Variants in PLCD3 observed in about 807,000 individuals in gnomAD.
PLCD3 encodes phospholipase C delta 3.
PLCD3 carries 62 observed loss-of-function variants against 82.8 expected under a neutral mutation model. The observed-to-expected ratio is 0.75, with a 90% CI of 0.61 to 0.93. PLCD3 has a LOEUF of 0.93. Ranked by LOEUF, PLCD3 falls within the 40% of genes least tolerant of loss-of-function variation. The pLI, the probability that PLCD3 is intolerant of heterozygous loss-of-function variation, is 0.00. For synonymous variants in PLCD3, 478 were observed against 471.8 expected, an observed-to-expected ratio of 1.01 and a Z score of -0.17; for missense variants, 1,023 against 1,103.4, an observed-to-expected ratio of 0.93 and a Z score of 1.03.
Position 45,118,990 on chromosome 17 carries a change from G to A in PLCD3, c.738C>T (p.Phe246=), listed in dbSNP as rs372183721. ...DRLEGAEIEE[F]LRRLLKRPEL... is the part of the protein sequence containing the mutation. ...CCGGCCGCTTCAGCAGCCGCCGCAG[G>A]AACTCCTCGATCTCAGCCCCCTCTA... The change falls in exon 5 of 15, where the codon TTC becomes TTT. Residue 246 remains phenylalanine, a synonymous_variant. Transcript: ENST00000619929. This position sits in a 1 kb window ranked among gnomAD's most constrained non-coding sequence, Gnocchi z 4.1. 35 of 1,612,524 alleles carry A rather than the reference G, an allele frequency of 2.2e-5. No individual in the cohort carries two copies. The highest frequency in any genetic ancestry group is 1.6e-4 in the Middle Eastern group (1 of 6,078).
chr17:45,121,642 TCCC>T (rs1285520575), intron 1 of PLCD3, among the ~76,000 whole-genome samples: 1 of 152,192 alleles, frequency 6.6e-6, no homozygotes, highest in African/African-American at 2.4e-5. Flanking sequence ...GCCTCTGCAG[TCCC>T]TCAGTGTGGA....
intron 1 of PLCD3, among the ~76,000 whole-genome samples, chr17:45,124,983 G>A (rs1288870947): frequency 6.6e-6 from 1 of 152,218 alleles, no homozygotes. Flanking sequence ...TTGAGGTCAG[G>A]AGTTCAAGAC....
intron 1 of PLCD3, among the ~76,000 whole-genome samples, chr17:45,123,581 G>A (rs991498006): frequency 3.3e-5 from 5 of 152,186 alleles, no homozygotes; most frequent in Non-Finnish European, 2.9e-5. Flanking sequence ...AGGCCTCGCA[G>A]GTCAGGGTTT....
intron 11 of PLCD3, 35 bp downstream of exon 11, chr17:45,114,215 C>A: frequency 6.8e-7 from 1 of 1,480,374 alleles, no homozygotes; most frequent in Non-Finnish European, 9.1e-7. Context: ...CACTGTGGCA[C>A]CCCGCCTGCT....
At chr17:45,114,166 G>A (rs2054270495) in intron 11 of PLCD3, 84 bp downstream of exon 11, 1 of 998,060 alleles carries the variant, frequency 1.0e-6, no homozygotes, top group East Asian at 3.0e-5. Flanking sequence ...CCACCGTCTG[G>A]AAGGCTGTGT....
chr17:45,125,820 C>T (rs768974169), intron 1 of PLCD3, among the ~76,000 whole-genome samples: 4 of 152,088 alleles, frequency 2.6e-5, no homozygotes, highest in African/African-American at 7.2e-5. Flanking sequence ...GTACCCAGAG[C>T]GGCAAGTTCA....
At chr17:45,122,135 G>T (rs1246875775) in intron 1 of PLCD3, among the ~76,000 whole-genome samples, 1 of 152,110 alleles carries the variant, frequency 6.6e-6, no homozygotes, top group African/African-American at 2.4e-5. Flanking sequence ...CCTTGCCTCT[G>T]CTTTCCCAAA....
intron 1 of PLCD3, among the ~76,000 whole-genome samples, chr17:45,124,010 GAC>G (rs2054362825): frequency 7.0e-6 from 1 of 142,474 alleles, no homozygotes; most frequent in Admixed American, 7.3e-5. Flanking sequence ...CCTGAGCAAT[GAC>G]ACGGTGAGGG....
chr17:45,118,664 T>C lies in PLCD3; in HGVS notation c.913+151A>G. The C allele has an allele frequency of 9.2e-7, 1 of 1,089,038 alleles. No homozygotes were observed. Among genetic ancestry groups the C allele is most frequent in the Non-Finnish European group, 1.3e-6 (1 of 768,790 alleles). The allele number at this position is 1,089,038 out of a possible 1,614,324, so 67.5% of individuals were successfully genotyped here. A position where few individuals can be genotyped will look rare whatever the true frequency, so the allele number is the denominator to read the frequency against. ...ACCAGACCCTGGGAGGAAGACAAAC[T>C]GTTGTGCCATTTTACACATGTGGAA... On this transcript the variant is annotated intron_variant, in intron 5 of 14. Transcript: ENST00000619929. This position sits in a 1 kb window ranked among gnomAD's most constrained non-coding sequence, Gnocchi z 4.1.
chr17:45,118,414 G>A lies in PLCD3; in HGVS notation c.992C>T (p.Thr331Ile), dbSNP rs757504124. 3.7e-6 allele frequency: 6 copies of A among 1,614,040 alleles called. No individual in the cohort carries two copies. The highest frequency in any genetic ancestry group is 2.2e-5 in the South Asian group (2 of 91,086). ...LSPEGAALDN[T>I]HTCVFQDMNQ... ...CATGTCCTGGAACACACACGTGTGG[G>A]TGTTGTCCAAGGCAGCCCCCTCCGG... The change falls in exon 6 of 15, where the codon ACC becomes ATC. Residue 331 changes from threonine (T) to isoleucine (I), a missense_variant. Transcript: ENST00000619929. This position sits in a 1 kb window ranked among gnomAD's most constrained non-coding sequence, Gnocchi z 4.1.
In PLCD3 at chr17:45,120,998, G is replaced by T. The variant is rs777864563; in HGVS notation, c.458C>A (p.Ala153Glu). The T allele has an allele frequency of 1.3e-6, 2 of 1,535,088 alleles. No homozygotes were observed. The highest frequency in any genetic ancestry group is 2.0e-5 in the Admixed American group (1 of 50,896). Reference protein sequence around the residue: ...FKGRRKNLDLAAPTAEEAQRW... With the variant: ...FKGRRKNLDLEAPTAEEAQRW... ...CTGCGCTTCCTCAGCCGTGGGCGCC[G>T]CCAGGTCCAGGTTCTTGCGGCGGCC... Residue 153 changes from alanine (A) to glutamate (E), a missense_variant, in exon 3 of 15, where the codon GCG becomes GAG. This residue lies in a region of PLCD3 where 448 missense variants were observed against 406.3 expected (regional missense o/e 1.10). Transcript: ENST00000619929.
rs2054238024 is a variant in PLCD3, at chr17:45,111,019, G to A, written c.*1597C>T. ...AGCCCAGTTCCAGGCCACCCTCTGG[G>A]GACTAATGTCAAGTTCTGCCCTTGT... On this transcript the variant is annotated 3_prime_UTR_variant, in exon 15 of 15. Transcript: ENST00000619929. 6.6e-6 allele frequency: 1 copy of A among 152,230 alleles called. No individual in the cohort carries two copies. Among genetic ancestry groups the A allele is most frequent in the African/African-American group, 2.4e-5 (1 of 41,440 alleles). The allele number at this position is 152,230 out of a possible 1,614,324, so 9.4% of individuals were successfully genotyped here.
At chr17:45,114,446 C>T (rs2054273517) in intron 10 of PLCD3, 80 bp from the exon 11 acceptor site, 2 of 1,176,588 alleles carry the variant, frequency 1.7e-6, no homozygotes, top group East Asian at 2.8e-5. Flanking sequence ...CTCCAGGGAA[C>T]AGAGCCCAAG....
intron 1 of PLCD3, among the ~76,000 whole-genome samples, chr17:45,124,645 G>A (rs895460681): frequency 6.6e-6 from 1 of 152,260 alleles, no homozygotes; most frequent in Non-Finnish European, 1.5e-5. Context: ...CGAGGACCGT[G>A]GCTCTCCATC....
In PLCD3 at chr17:45,114,238, G is replaced by T; in HGVS notation, c.1828+12C>A. 6.6e-7 allele frequency: 1 copy of T among 1,519,510 alleles called. No homozygotes were observed. 94.1% of individuals were successfully genotyped at this position (1,519,510 alleles called of 1,614,324 possible). On this transcript the variant is annotated intron_variant, in intron 11 of 14. Transcript: ENST00000619929. Reference sequence around the variant, plus strand: ...CACCCCGCCTGCTCTCATTCCTGTGGCCCCCACTTACCCAGCTGACAGCCC... The same window carrying T: ...CACCCCGCCTGCTCTCATTCCTGTGTCCCCCACTTACCCAGCTGACAGCCC...
At chr17:45,125,837 C>T (rs996404809) in intron 1 of PLCD3, among the ~76,000 whole-genome samples, 1 of 152,096 alleles carries the variant, frequency 6.6e-6, no homozygotes, top group Admixed American at 6.6e-5. Flanking sequence ...TTCATAGAGA[C>T]AGAAAGTAGC....
chr17:45,128,246 G>A (rs377440817), intron 1 of PLCD3, among the ~76,000 whole-genome samples: 1 of 152,226 alleles, frequency 6.6e-6, no homozygotes, highest in Admixed American at 6.5e-5. Flanking sequence ...CCTTGGCCCC[G>A]GGTGGGACAC....
In PLCD3 at chr17:45,116,931, G is replaced by A. The variant is rs76350144; in HGVS notation, c.1261-147C>T. 407 of 1,030,304 alleles carry A rather than the reference G, an allele frequency of 4.0e-4. 2 individuals are homozygous for A. The African/African-American group carries it at 6.3e-3, about 16-fold the overall frequency. 63.8% of individuals were successfully genotyped at this position (1,030,304 alleles called of 1,614,324 possible). ...AGCAGCAGACTGTCCAGGAGGCTGA[G>A]GGCGGCTGCAGGAATTATTTTTTTT... On this transcript the variant is annotated intron_variant, in intron 7 of 14. Coordinates refer to ENST00000619929, the MANE Select transcript of PLCD3 (RefSeq NM_133373.5).
intron 1 of PLCD3, among the ~76,000 whole-genome samples, chr17:45,126,683 G>T (rs977179277): frequency 6.7e-6 from 1 of 150,012 alleles, no homozygotes. Context: ...CTGAGACAGG[G>T]TCTTGCTCTG....
Sources: allele counts gnomAD v4.1 joint callset (sites outside exome capture counted in the v4.1 genomes callset), GRCh38; gene constraint gnomAD v4.1.1; regional missense constraint gnomAD v4.1.1; non-coding constraint Gnocchi (gnomAD v3.1); transcripts MANE v1.5; gene names NCBI Gene and HGNC (gene_info 2026-07-23, HGNC 2026-07-21).